The following EXOC4 variants were observed in gnomAD, a reference collection of about 807,000 sequenced individuals.
EXOC4 encodes the protein SEC8-like 1.
A neutral mutation model predicts 107.2 loss-of-function variants in EXOC4; 71 were observed. The ratio of observed to expected loss-of-function variants is 0.66; its 90% CI spans 0.55 to 0.81. The LOEUF is 0.81. EXOC4 is among the 30% of genes least tolerant of loss of function. The pLI is 0.00. For synonymous variants in EXOC4, 456 were observed against 441.2 expected (o/e 1.03, Z -0.42); for missense variants, 1,108 against 1,189.6 (o/e 0.93, Z 1.01).
At chr7:134,006,839 C>T (rs1050176322) in intron 16 of EXOC4, among the ~76,000 whole-genome samples, 1 of 152,190 alleles carries the variant, frequency 6.6e-6, no homozygotes, top group Non-Finnish European at 1.5e-5. Context: ...ATGTGCCTCA[C>T]GTTGTTCTGA....
At chr7:133,945,585 G>A (rs1379433769) in intron 14 of EXOC4, among the ~76,000 whole-genome samples, 1 of 152,128 alleles carries the variant, frequency 6.6e-6, no homozygotes, top group African/African-American at 2.4e-5. Context: ...AAATGAGAAG[G>A]GCACAAGGAA....
chr7:133,697,063 C>T (rs1289675243), intron 10 of EXOC4, among the ~76,000 whole-genome samples: 1 of 152,192 alleles, frequency 6.6e-6, no homozygotes, highest in Non-Finnish European at 1.5e-5. Flanking sequence ...TACTCCTACA[C>T]TCCATCCCTG....
intron 9 of EXOC4, among the ~76,000 whole-genome samples, chr7:133,505,957 T>A (rs1424573970): frequency 1.3e-5 from 2 of 152,142 alleles, no homozygotes; most frequent in African/African-American, 2.4e-5. Flanking sequence ...CAGCATTTAG[T>A]ACAGGATGAA....
intron 10 of EXOC4, among the ~76,000 whole-genome samples, chr7:133,649,179 C>G (rs1803070026): frequency 6.6e-6 from 1 of 152,028 alleles, no homozygotes; most frequent in African/African-American, 2.4e-5. Flanking sequence ...TAATTTCTTC[C>G]CAATGTTTGC....
At chr7:133,967,109 A>G (rs13231617) in intron 14 of EXOC4, among the ~76,000 whole-genome samples, 106,260 of 152,012 alleles carry the variant, frequency 0.7, 37,547 homozygotes, top group East Asian at 0.91. Context: ...TAGTTTATTC[A>G]CATAGAGGTG....
chr7:133,617,497 A>G lies in EXOC4; in HGVS notation c.1418-12548A>G, dbSNP rs369233676. 1.3e-3 allele frequency among the ~76,000 whole-genome samples: 191 copies of G among 152,332 alleles called. 9 individuals are homozygous for G. In the South Asian group the frequency reaches 0.039, roughly 31 times the overall value. The stretch of plus-strand genomic sequence containing the variant: ...AAGCAAAATAACACAAACGAACTGC[A>G]GAGAGATATTAGACAAAGTACTGCT... On this transcript the variant is annotated intron_variant, in intron 9 of 17. Transcript: ENST00000253861.
chr7:133,342,651 A>T (rs1795690620), intron 5 of EXOC4, among the ~76,000 whole-genome samples: 1 of 149,182 alleles, frequency 6.7e-6, no homozygotes, highest in Non-Finnish European at 1.5e-5. Context: ...TTCCTCAGGA[A>T]CACCAATTAA....
At chr7:134,033,157 A>G (rs1205614298) in intron 17 of EXOC4, among the ~76,000 whole-genome samples, 4 of 152,176 alleles carry the variant, frequency 2.6e-5, no homozygotes, top group Admixed American at 1.3e-4. Context: ...ACCTTGGAGA[A>G]GTTCCATGTT....
chr7:133,744,135 C>CAA lies in EXOC4; in HGVS notation c.1515-73179_1515-73178dup, dbSNP rs113003258. On this transcript the variant is annotated intron_variant, in intron 10 of 17. Transcript: ENST00000253861. ...CTGCCAGGTACACATTTCCTGGAGG[C>CAA]AAAAAAAAAAAATGTGGAAGAGAAT... 3.3e-3 allele frequency among the ~76,000 whole-genome samples: 436 copies of CAA among 131,000 alleles called. 4 individuals carry two copies. Among genetic ancestry groups the CAA allele is most frequent in the African/African-American group, 0.011 (409 of 35,980 alleles). The allele number at this position is 131,000 out of a possible 152,430, so 85.9% of individuals were successfully genotyped here.
chr7:133,511,895 G>A lies in EXOC4; in HGVS notation c.1417+31757G>A, dbSNP rs543395173. Among the ~76,000 whole-genome samples the A allele has an allele frequency of 1.7e-3, 265 of 151,974 alleles. 1 individual carries two copies. The highest frequency in any genetic ancestry group is 6.0e-3 in the African/African-American group (248 of 41,434). ...TGATGTAAATATTTAGTGAATGTTA[G>A]TCCTGTGTGAAATGCTCCTCTCCCC... On this transcript the variant is annotated intron_variant, in intron 9 of 17. Transcript: ENST00000253861.
chr7:133,484,259 T>G (rs2150865837), intron 9 of EXOC4: 1 of 1,289,006 alleles, frequency 7.8e-7, no homozygotes. Context: ...GTACAGATGG[T>G]TCATTATATA....
the EXOC4 span, among the ~76,000 whole-genome samples, chr7:134,099,688 G>A: frequency 1.3e-5 from 2 of 150,776 alleles, no homozygotes; most frequent in Non-Finnish European, 1.5e-5. Context: ...CCGCCACCTC[G>A]CCAGGCTAAT....
chr7:133,564,163 C>T (rs540131263), intron 9 of EXOC4, among the ~76,000 whole-genome samples: 2 of 152,268 alleles, frequency 1.3e-5, no homozygotes, highest in East Asian at 1.9e-4. Flanking sequence ...TTAATTGGCT[C>T]ACGGTTCTGC....
chr7:133,581,567 G>A (rs1801271526), intron 9 of EXOC4, among the ~76,000 whole-genome samples: 1 of 151,424 alleles, frequency 6.6e-6, no homozygotes. Context: ...GACCATCCTG[G>A]CTAACACGGT....
At chr7:133,577,737 A>G (rs1194116802) in intron 9 of EXOC4, among the ~76,000 whole-genome samples, 1 of 152,224 alleles carries the variant, frequency 6.6e-6, no homozygotes, top group Non-Finnish European at 1.5e-5. Context: ...ATAGAATTGT[A>G]GAGATAAAAT....
At chr7:133,811,928 T>C (rs534368068) in intron 10 of EXOC4, among the ~76,000 whole-genome samples, 1 of 152,326 alleles carries the variant, frequency 6.6e-6, no homozygotes, top group African/African-American at 2.4e-5. Context: ...TTTTATTCAA[T>C]AAATATTTCC....
At chr7:133,289,728 G>A (rs892703373) in intron 3 of EXOC4, among the ~76,000 whole-genome samples, 1 of 152,152 alleles carries the variant, frequency 6.6e-6, no homozygotes, top group African/African-American at 2.4e-5. Flanking sequence ...ATAAAAAGTA[G>A]AAATACAGAG....
chr7:133,591,240 C>A (rs1378824620), intron 9 of EXOC4, among the ~76,000 whole-genome samples: 1 of 152,138 alleles, frequency 6.6e-6, no homozygotes, highest in East Asian at 1.9e-4. Context: ...CTATTTTCCC[C>A]ATGCTGGCCT....
intron 11 of EXOC4, among the ~76,000 whole-genome samples, chr7:133,890,754 G>C (rs1799189030): frequency 7.8e-5 from 2 of 25,798 alleles, no homozygotes; most frequent in Admixed American, 3.5e-4. Flanking sequence ...CGTTATTTCT[G>C]AGGGCTCTGT....
Sources: allele counts gnomAD v4.1 joint callset (sites outside exome capture counted in the v4.1 genomes callset), GRCh38; gene constraint gnomAD v4.1.1; transcripts MANE v1.5; gene names NCBI Gene and HGNC (gene_info 2026-07-23, HGNC 2026-07-21).